The following DLC1 variants were observed in gnomAD, a reference collection of about 807,000 sequenced individuals.
DLC1 encodes DLC1 Rho GTPase activating protein.
A neutral mutation model predicts 140.3 loss-of-function variants in DLC1; 54 were observed. The observed-to-expected ratio is 0.38, with a 90% CI of 0.31 to 0.48. The LOEUF is 0.48. Ranked by LOEUF, DLC1 falls within the 20% of genes least tolerant of loss-of-function variation. The pLI is 0.96. For missense variants in DLC1, 2,536 were observed against 1,907.0 expected, an observed-to-expected ratio of 1.33 and a Z score of -6.14; for synonymous variants, 986 against 728.1, an observed-to-expected ratio of 1.35 and a Z score of -5.70.
At chr8:13,278,203 C>T (rs981640957) in intron 5 of DLC1, among the ~76,000 whole-genome samples, 9 of 152,236 alleles carry the variant, frequency 5.9e-5, no homozygotes, top group African/African-American at 2.2e-4. Context: ...GTAGACAGAC[C>T]TCCGTGCCTG....
At chr8:13,418,493 T>C (rs569659372) in intron 2 of DLC1, among the ~76,000 whole-genome samples, 27 of 152,336 alleles carry the variant, frequency 1.8e-4, no homozygotes, top group African/African-American at 3.4e-4. Flanking sequence ...ATTGCTTGTT[T>C]TTGTCACATG....
intron 2 of DLC1, among the ~76,000 whole-genome samples, chr8:13,405,045 G>A (rs547843536): frequency 6.6e-6 from 1 of 151,622 alleles, no homozygotes; most frequent in Non-Finnish European, 1.5e-5. Flanking sequence ...ACTTCTGGAG[G>A]ATTTTTTTTT....
chr8:13,100,566 C>A lies in DLC1; in HGVS notation c.1771G>T (p.Val591Leu), dbSNP rs370706558. 9 of 1,613,574 alleles carry A rather than the reference C, an allele frequency of 5.6e-6. No individual in the cohort carries two copies. Among genetic ancestry groups the A allele is most frequent in the Non-Finnish European group, 7.6e-6 (9 of 1,179,864 alleles). Reference protein sequence around the residue: ...TLMDLSERQEVSSVRSLSSTG... With the variant: ...TLMDLSERQELSSVRSLSSTG... ...CTGCTGAGGCTGCGGACGGAAGACA[C>A]CTCCTGGCGCTCGCTGAGGTCCATC... is the stretch of plus-strand genomic sequence containing the variant. Residue 591 changes from valine to leucine, a missense_variant, in exon 9 of 18, where the codon GTG becomes TTG. By Grantham distance (32) the Val-to-Leu change is conservative. Transcript: ENST00000276297.
chr8:13,447,002 A>C (rs1228883016), intron 2 of DLC1, among the ~76,000 whole-genome samples: 1 of 152,084 alleles, frequency 6.6e-6, no homozygotes, highest in Non-Finnish European at 1.5e-5. Flanking sequence ...GAAGGGTGGA[A>C]GTAAAGAAGA....
At chr8:13,359,837 C>T (rs893251522) in intron 4 of DLC1, among the ~76,000 whole-genome samples, 4 of 152,012 alleles carry the variant, frequency 2.6e-5, no homozygotes, top group African/African-American at 9.7e-5. Context: ...TAACTTTGAA[C>T]AGGTTGGAAG....
intron 4 of DLC1, among the ~76,000 whole-genome samples, chr8:13,344,361 C>G (rs1834217312): frequency 6.6e-6 from 1 of 152,112 alleles, no homozygotes; most frequent in Non-Finnish European, 1.5e-5. Flanking sequence ...GGCATGGTGG[C>G]ACATGCCTGT....
intron 5 of DLC1, among the ~76,000 whole-genome samples, chr8:13,288,915 A>G (rs1214256952): frequency 1.3e-5 from 2 of 152,192 alleles, no homozygotes; most frequent in African/African-American, 4.8e-5. Context: ...CAAAGTTTAT[A>G]TCAGTTTTTA....
intron 2 of DLC1, among the ~76,000 whole-genome samples, chr8:13,494,205 T>C (rs574306871): frequency 1.1e-4 from 16 of 152,354 alleles, no homozygotes; most frequent in African/African-American, 3.8e-4. Context: ...TGTCATGATA[T>C]ATTGGAATAT....
chr8:13,337,225 T>C (rs1205765583), intron 4 of DLC1, among the ~76,000 whole-genome samples: 2 of 152,190 alleles, frequency 1.3e-5, no homozygotes, highest in African/African-American at 4.8e-5. Flanking sequence ...ATGTAGAATG[T>C]GGATATCATT....
intron 4 of DLC1, among the ~76,000 whole-genome samples, chr8:13,374,976 T>C (rs1434323292): frequency 2.0e-5 from 3 of 152,138 alleles, no homozygotes; most frequent in East Asian, 3.9e-4. Flanking sequence ...GGGAGTTCAC[T>C]CATGATTTGG....
At chr8:13,375,295 G>A (rs1407463722) in intron 4 of DLC1, among the ~76,000 whole-genome samples, 1 of 152,066 alleles carries the variant, frequency 6.6e-6, no homozygotes, top group Non-Finnish European at 1.5e-5. Context: ...CCAAAGTGCT[G>A]GGATTACAGG....
At chr8:13,156,912 C>T (rs924391447) in intron 5 of DLC1, among the ~76,000 whole-genome samples, 2 of 152,170 alleles carry the variant, frequency 1.3e-5, no homozygotes, top group East Asian at 3.8e-4. Flanking sequence ...TAGCCACTGT[C>T]TATTGCCTTT....
chr8:13,135,976 T>G lies in DLC1; in HGVS notation c.1349-20319A>C, dbSNP rs74905709. The stretch of plus-strand genomic sequence containing the variant: ...GTGATGCATTGGTTTGCGTTTGACC[T>G]TCCCTGAATCTCATCTTCTTTCAGT... On this transcript the variant is annotated intron_variant, in intron 5 of 17. Transcript: ENST00000276297. Among the ~76,000 whole-genome samples, 777 of 152,334 alleles carry G rather than the reference T, an allele frequency of 5.1e-3. 7 individuals carry two copies. Among genetic ancestry groups the G allele is most frequent in the African/African-American group, 0.018 (733 of 41,578 alleles).
intron 1 of DLC1, among the ~76,000 whole-genome samples, chr8:13,587,128 A>C (rs1222186640): frequency 6.7e-6 from 1 of 150,226 alleles, no homozygotes; most frequent in Non-Finnish European, 1.5e-5. Context: ...GCCTATCCAC[A>C]GATGGTGGCA....
At chr8:13,141,378 G>C (rs2128970762) in intron 5 of DLC1, among the ~76,000 whole-genome samples, 1 of 151,210 alleles carries the variant, frequency 6.6e-6, no homozygotes, top group Admixed American at 6.6e-5. Context: ...ATATGTATGT[G>C]TGCAGATATA....
chr8:13,404,514 A>G (rs1837438832), intron 2 of DLC1, among the ~76,000 whole-genome samples: 1 of 152,196 alleles, frequency 6.6e-6, no homozygotes, highest in Non-Finnish European at 1.5e-5. Context: ...ATATAGTTAT[A>G]ATTATGGTTT....
At chr8:13,477,632 A>G (rs2117100584) in intron 2 of DLC1, among the ~76,000 whole-genome samples, 1 of 152,272 alleles carries the variant, frequency 6.6e-6, no homozygotes, top group South Asian at 2.1e-4. Flanking sequence ...ACTGTGTAGA[A>G]TGAGCTTGTA....
chr8:13,093,864 A>G (rs996711364), intron 12 of DLC1, among the ~76,000 whole-genome samples: 1 of 152,188 alleles, frequency 6.6e-6, no homozygotes, highest in African/African-American at 2.4e-5. Flanking sequence ...GCCAAGAAAA[A>G]CACAAGGCTG....
At chr8:13,155,240 A>G (rs1409013046) in intron 5 of DLC1, among the ~76,000 whole-genome samples, 7 of 149,910 alleles carry the variant, frequency 4.7e-5, no homozygotes, top group Non-Finnish European at 5.9e-5. Context: ...TAATTATTTA[A>G]CTAGTCTTCT....
Sources: gnomAD v4.1 joint callset for allele counts (sites outside exome capture counted in the v4.1 genomes callset) on GRCh38, gnomAD v4.1.1 for gene constraint, MANE v1.5 for transcripts, NCBI Gene and HGNC (gene_info 2026-07-23, HGNC 2026-07-21) for gene names.